DACH1: variants seen among roughly 807,000 people sequenced by gnomAD.
The protein encoded by DACH1 is dachshund family transcription factor 1.
DACH1 carries 12 observed loss-of-function variants against 54.2 expected under a neutral mutation model. That is an observed-to-expected ratio of 0.22 (90% CI 0.14 to 0.36). The LOEUF (loss-of-function observed/expected upper bound fraction) is 0.36. DACH1 is among the 10% of genes least tolerant of loss of function. The pLI is 1.00. For missense variants in DACH1, 805 were observed against 929.8 expected, an observed-to-expected ratio of 0.87 and a Z score of 1.75; for synonymous variants, 386 against 366.2, an observed-to-expected ratio of 1.05 and a Z score of -0.62.
At chr13:71,513,610 G>A (rs964945251) in intron 6 of DACH1, among the ~76,000 whole-genome samples, 1 of 152,032 alleles carries the variant, frequency 6.6e-6, no homozygotes, top group Non-Finnish European at 1.5e-5. Flanking sequence ...AAGGGTAAAT[G>A]ATTGATGATC....
At chr13:71,810,732 CACT>C (rs1216077209) in intron 1 of DACH1, among the ~76,000 whole-genome samples, 1 of 152,080 alleles carries the variant, frequency 6.6e-6, no homozygotes, top group Non-Finnish European at 1.5e-5. Context: ...TAACAAAATG[CACT>C]ACGTTACAGT....
intron 6 of DACH1, among the ~76,000 whole-genome samples, chr13:71,521,401 T>A (rs1444755756): frequency 6.6e-6 from 1 of 152,046 alleles, no homozygotes; most frequent in East Asian, 1.9e-4. Flanking sequence ...GATAGAGATG[T>A]ATAAATATAT....
intron 1 of DACH1, among the ~76,000 whole-genome samples, chr13:71,765,531 T>G (rs942589883): frequency 2.0e-5 from 3 of 152,204 alleles, no homozygotes; most frequent in African/African-American, 7.2e-5. Flanking sequence ...TGTACTGTCT[T>G]AAAAATCTTC....
intron 1 of DACH1, among the ~76,000 whole-genome samples, chr13:71,854,224 T>C (rs2138272078): frequency 6.6e-6 from 1 of 152,230 alleles, no homozygotes; most frequent in Non-Finnish European, 1.5e-5. Context: ...AGCTCAAAAA[T>C]CCAGAGTTTG....
At chr13:71,674,640 G>A (rs201613344) in intron 2 of DACH1, among the ~76,000 whole-genome samples, 2 of 125,060 alleles carry the variant, frequency 1.6e-5, no homozygotes, top group African/African-American at 3.1e-5. Flanking sequence ...TCAGCCCAGT[G>A]ATGCTGATTT....
intron 1 of DACH1, among the ~76,000 whole-genome samples, chr13:71,761,460 TCTC>T (rs761468332): frequency 2.0e-5 from 3 of 152,218 alleles, no homozygotes; most frequent in Non-Finnish European, 4.4e-5. Flanking sequence ...AATACTATAT[TCTC>T]CTGTCCTAAA....
At chr13:71,859,857 A>G (rs960841055) in intron 1 of DACH1, among the ~76,000 whole-genome samples, 2 of 151,932 alleles carry the variant, frequency 1.3e-5, no homozygotes, top group East Asian at 1.9e-4. Context: ...AGACAGCCAC[A>G]GTAGCAAAAA....
chr13:71,554,797 ACC>A (rs1884132774), intron 6 of DACH1, among the ~76,000 whole-genome samples: 1 of 152,206 alleles, frequency 6.6e-6, no homozygotes, highest in Non-Finnish European at 1.5e-5. Flanking sequence ...TAGATCATCA[ACC>A]TAGTATATTA....
intron 6 of DACH1, among the ~76,000 whole-genome samples, chr13:71,527,761 A>G (rs368726401): frequency 2.6e-5 from 4 of 152,194 alleles, no homozygotes; most frequent in East Asian, 1.9e-4. Context: ...AGCTTTGCCA[A>G]TGATTTGAAA....
At chr13:71,490,252 C>T (rs1449552312) in intron 6 of DACH1, among the ~76,000 whole-genome samples, 2 of 152,166 alleles carry the variant, frequency 1.3e-5, no homozygotes, top group East Asian at 3.8e-4. Flanking sequence ...CTCAATCATT[C>T]TTTTATTTTT....
At chr13:71,716,585 T>A (rs1277446274) in intron 1 of DACH1, among the ~76,000 whole-genome samples, 1 of 152,142 alleles carries the variant, frequency 6.6e-6, no homozygotes, top group Non-Finnish European at 1.5e-5. Flanking sequence ...TCTTCCCAAG[T>A]GCTCACCAAT....
chr13:71,568,467 T>A (rs923273229), intron 4 of DACH1, among the ~76,000 whole-genome samples: 1 of 151,918 alleles, frequency 6.6e-6, no homozygotes, highest in African/African-American at 2.4e-5. Flanking sequence ...CAGAACAAAT[T>A]AGAATAATTG....
rs1443993187 is a variant in DACH1 at position 71,748,890 on chromosome 13, CTTTCTTTCTCTT to C, written c.849-66992_849-66981del. 7.1e-3 allele frequency among the ~76,000 whole-genome samples: 626 copies of C among 87,802 alleles called. 3 individuals carry two copies. Among genetic ancestry groups the C allele is most frequent in the East Asian group, 0.043 (108 of 2,502 alleles). The allele number at this position is 87,802 out of a possible 152,430, so 57.6% of individuals were successfully genotyped here. ...TCTTTCTTTCTTTCTTTCTTTCTTT[CTTTCTTTCTCTT>C]TCTTTCTTTCTTTCTTTCTTTCTTT... On this transcript the variant is annotated intron_variant, in intron 1 of 10. Coordinates refer to ENST00000613252, the MANE Select transcript of DACH1 (RefSeq NM_080759.6).
At chr13:71,740,627 C>T (rs553334256) in intron 1 of DACH1, among the ~76,000 whole-genome samples, 30 of 152,182 alleles carry the variant, frequency 2.0e-4, no homozygotes, top group Non-Finnish European at 4.1e-4. Flanking sequence ...AGAGTTAAAG[C>T]ATAAGGTAAA....
chr13:71,833,032 G>T (rs1888654518), intron 1 of DACH1, among the ~76,000 whole-genome samples: 1 of 151,932 alleles, frequency 6.6e-6, no homozygotes, highest in South Asian at 2.1e-4. Context: ...GACGCTAACA[G>T]GGAAGTTGCG....
intron 1 of DACH1, among the ~76,000 whole-genome samples, chr13:71,824,240 GTAT>G (rs1415006183): frequency 1.3e-5 from 2 of 151,590 alleles, no homozygotes; most frequent in African/African-American, 4.8e-5. Context: ...ATTATTATTG[GTAT>G]TATTATTATT....
chr13:71,701,985 C>T (rs1289929986), intron 1 of DACH1, among the ~76,000 whole-genome samples: 1 of 152,098 alleles, frequency 6.6e-6, no homozygotes, highest in African/African-American at 2.4e-5. Flanking sequence ...GGGAAAGCTT[C>T]AGTTTCTGTT....
chr13:71,514,303 C>G (rs879735075), intron 6 of DACH1, among the ~76,000 whole-genome samples: 1 of 151,766 alleles, frequency 6.6e-6, no homozygotes, highest in African/African-American at 2.4e-5. Flanking sequence ...CAAGTAATTG[C>G]TCTAAAATTA....
intron 1 of DACH1, among the ~76,000 whole-genome samples, chr13:71,793,512 C>T (rs1886915854): frequency 6.6e-6 from 1 of 152,142 alleles, no homozygotes; most frequent in Non-Finnish European, 1.5e-5. Context: ...TACTTCTCAA[C>T]CCAGTGATAT....
Sources: gnomAD v4.1 joint callset for allele counts (sites outside exome capture counted in the v4.1 genomes callset) on GRCh38, gnomAD v4.1.1 for gene constraint, MANE v1.5 for transcripts, NCBI Gene and HGNC (gene_info 2026-07-23, HGNC 2026-07-21) for gene names.